The following PCDHGA12 variants were observed in gnomAD, a reference collection of about 807,000 sequenced individuals.
PCDHGA12 encodes protocadherin gamma-A12.
Under a neutral mutation model 61.1 loss-of-function variants are expected in PCDHGA12, and 43 were observed. The observed-to-expected ratio is 0.70, with a 90% confidence interval of 0.55 to 0.91. The LOEUF is 0.91. Ranked by LOEUF, PCDHGA12 falls within the 40% of genes least tolerant of loss-of-function variation. PCDHGA12 has a pLI of 0.00. For synonymous variants in PCDHGA12, 520 were observed against 542.9 expected, an observed-to-expected ratio of 0.96 and a Z score of 0.59; for missense variants, 1,236 against 1,227.7, an observed-to-expected ratio of 1.01 and a Z score of -0.10.
chr5:141,458,350 A>C (rs1259508706), intron 1 of PCDHGA12, among the ~76,000 whole-genome samples: 1 of 152,162 alleles, frequency 6.6e-6, no homozygotes, highest in East Asian at 1.9e-4. Flanking sequence ...GGAGAGTTTA[A>C]TAAGCAAGAA....
At chr5:141,479,930 T>C (rs1355410974) in intron 1 of PCDHGA12, among the ~76,000 whole-genome samples, 15 of 152,218 alleles carry the variant, frequency 9.9e-5, no homozygotes, top group Non-Finnish European at 1.9e-4. Context: ...CAGTGCATCA[T>C]TGCTATCAAC....
chr5:141,450,413 T>G (rs549247554), intron 1 of PCDHGA12, among the ~76,000 whole-genome samples: 1 of 152,334 alleles, frequency 6.6e-6, no homozygotes, highest in African/African-American at 2.4e-5. Context: ...GCCATTTGTC[T>G]TGTATAATGC....
At chr5:141,459,670 T>A (rs890411975) in intron 1 of PCDHGA12, among the ~76,000 whole-genome samples, 4 of 152,264 alleles carry the variant, frequency 2.6e-5, no homozygotes, top group African/African-American at 9.6e-5. Context: ...TACATTTTCA[T>A]GAGCAATGCA....
intron 1 of PCDHGA12, among the ~76,000 whole-genome samples, chr5:141,442,702 T>A (rs1301940560): frequency 1.3e-5 from 2 of 152,342 alleles, no homozygotes; most frequent in African/African-American, 4.8e-5. Context: ...GACAAGAGTA[T>A]CAGACATGCC....
rs749221752 is a variant in PCDHGA12 at position 141,432,670 on chromosome 5, G to T, written c.1911G>T (p.Ala637=). ...RTARALLDRD[A]LKQSLVVAVQ... ...CGCGAGCCCTGCTGGACAGAGACGCGCTCAAGCAGAGCCTCGTAGTGGCCG... is the reference window on the plus strand; with the variant it reads ...CGCGAGCCCTGCTGGACAGAGACGCTCTCAAGCAGAGCCTCGTAGTGGCCG... The change falls in exon 1 of 4, where the codon GCG becomes GCT. Residue 637 remains alanine (A), a synonymous_variant. Coordinates refer to ENST00000252085, the MANE Select transcript of PCDHGA12 (RefSeq NM_003735.3). This position sits in a 1 kb window ranked among gnomAD's most constrained non-coding sequence, Gnocchi z 6.0. 7 of 1,613,750 alleles carry T rather than the reference G, an allele frequency of 4.3e-6. No homozygotes were observed. The African/African-American group carries it at 5.3e-5, about 12-fold the overall frequency.
Position 141,477,626 on chromosome 5 carries a change from G to C in PCDHGA12, c.2425-17181G>C. The C allele has an allele frequency of 1.2e-6, 2 of 1,614,170 alleles. No homozygotes were observed. Among genetic ancestry groups the C allele is most frequent in the Non-Finnish European group, 1.7e-6 (2 of 1,180,036 alleles). ...TCTCTTGGAGCAAGGAGCTGAAACCGGGCTAGTGGGTCGCTATTTCACAAT... is the reference window on the plus strand; with the variant it reads ...TCTCTTGGAGCAAGGAGCTGAAACCCGGCTAGTGGGTCGCTATTTCACAAT... On this transcript the variant is annotated intron_variant, in intron 1 of 3. Transcript: ENST00000252085. The surrounding 1 kb of genome is among the most constrained non-coding windows in gnomAD (Gnocchi z 4.9).
chr5:141,481,142 G>T (rs2099532501), intron 1 of PCDHGA12, among the ~76,000 whole-genome samples: 1 of 152,212 alleles, frequency 6.6e-6, no homozygotes, highest in Non-Finnish European at 1.5e-5. Context: ...GAAGTAAAGT[G>T]TTATTCTGGT....
intron 1 of PCDHGA12, among the ~76,000 whole-genome samples, chr5:141,437,842 A>G (rs1372385076): frequency 2.0e-5 from 3 of 150,650 alleles, no homozygotes; most frequent in East Asian, 3.9e-4. Context: ...GGTTCATGCT[A>G]TTCTCCTGCC....
chr5:141,505,326 G>A, intron 2 of PCDHGA12, 67 bp from the exon 3 acceptor site: 2 of 1,607,648 alleles, frequency 1.2e-6, no homozygotes, highest in East Asian at 2.2e-5. Context: ...AGCCCTGGGA[G>A]AGGACAGGAG....
Position 141,477,588 on chromosome 5 carries a change from G to T in PCDHGA12, c.2425-17219G>T. 1 of 1,614,152 alleles carries T rather than the reference G, an allele frequency of 6.2e-7. No individual in the cohort carries two copies. The highest frequency in any genetic ancestry group is 8.5e-7 in the Non-Finnish European group (1 of 1,180,040). ...GACCCCGACGCCCCGCAGAATGCTCGGCTTTCTTTCTTTCTCTTGGAGCAA... is the reference window on the plus strand; with the variant it reads ...GACCCCGACGCCCCGCAGAATGCTCTGCTTTCTTTCTTTCTCTTGGAGCAA... On this transcript the variant is annotated intron_variant, in intron 1 of 3. Coordinates refer to ENST00000252085, the MANE Select transcript of PCDHGA12 (RefSeq NM_003735.3). This position sits in a 1 kb window ranked among gnomAD's most constrained non-coding sequence, Gnocchi z 4.9.
rs767497197 is a variant in PCDHGA12, at chr5:141,486,350, T to C, written c.2425-8457T>C. The C allele has an allele frequency of 6.2e-7, 1 of 1,614,128 alleles. No homozygotes were observed. Among genetic ancestry groups the C allele is most frequent in the South Asian group, 1.1e-5 (1 of 91,074 alleles). On this transcript the variant is annotated intron_variant, in intron 1 of 3. Transcript: ENST00000252085. The surrounding 1 kb of genome is among the most constrained non-coding windows in gnomAD (Gnocchi z 5.0). ...TGTGAGCCTCCGCATTCCTGACCAC[T>C]TGCCATTTGCCCTCAAGTCTGCCTT...
chr5:141,454,366 GT>G (rs2098787984), intron 1 of PCDHGA12, among the ~76,000 whole-genome samples: 1 of 152,166 alleles, frequency 6.6e-6, no homozygotes, highest in Admixed American at 6.5e-5. Flanking sequence ...TTAGAAAGGA[GT>G]ATGGCAACTT....
Position 141,491,726 on chromosome 5 carries a change from C to A in PCDHGA12, c.2425-3081C>A, listed in dbSNP as rs1018940432. ...GTGAGGGGCTCGGCGCCGCCCCGGG[C>A]GACCCCTGGGGGCGGCACTGGAGAA... On this transcript the variant is annotated intron_variant, in intron 1 of 3. Coordinates refer to ENST00000252085, the MANE Select transcript of PCDHGA12 (RefSeq NM_003735.3). This position sits in a 1 kb window ranked among gnomAD's most constrained non-coding sequence, Gnocchi z 6.9. 2.2e-5 allele frequency: 36 copies of A among 1,605,766 alleles called. No individual in the cohort carries two copies. Among genetic ancestry groups the A allele is most frequent in the African/African-American group, 4.0e-5 (3 of 74,588 alleles).
intron 1 of PCDHGA12, among the ~76,000 whole-genome samples, chr5:141,492,760 C>T (rs991820569): frequency 1.3e-5 from 2 of 152,212 alleles, no homozygotes; most frequent in Admixed American, 1.3e-4. Context: ...CAGGGCTCCG[C>T]GTTGGGCGAG....
Position 141,431,253 on chromosome 5 carries a change from A to G in PCDHGA12, c.494A>G (p.Asn165Ser), listed in dbSNP as rs1554123268. The G allele has an allele frequency of 1.2e-6, 2 of 1,614,132 alleles. No individual in the cohort carries two copies. Among genetic ancestry groups the G allele is most frequent in the South Asian group, 1.1e-5 (1 of 91,088 alleles). ...PHAWDPDIGK[N>S]SLQSYELSPN... ...GCCTGGGATCCGGATATCGGGAAGA[A>G]CTCTCTGCAGAGCTACGAGCTCAGC... is the stretch of plus-strand genomic sequence containing the variant. Residue 165 changes from asparagine (N) to serine (S), a missense_variant, in exon 1 of 4, where the codon AAC becomes AGC. Transcript: ENST00000252085. The surrounding 1 kb of genome is among the most constrained non-coding windows in gnomAD (Gnocchi z 4.8).
In PCDHGA12 at chr5:141,490,028, G is replaced by A. The variant is rs752883792; in HGVS notation, c.2425-4779G>A. ...GCACCCATTGGTACTCTGCTGCTCC[G>A]CCTCAATGCCACTGATCCAGACGAG... On this transcript the variant is annotated intron_variant, in intron 1 of 3. Coordinates refer to ENST00000252085, the MANE Select transcript of PCDHGA12 (RefSeq NM_003735.3). The surrounding 1 kb of genome is among the most constrained non-coding windows in gnomAD (Gnocchi z 5.4). 20 of 1,614,070 alleles carry A rather than the reference G, an allele frequency of 1.2e-5. 1 individual carries two copies. Among genetic ancestry groups the A allele is most frequent in the South Asian group, 3.3e-5 (3 of 91,090 alleles).
rs188916402 is a variant in PCDHGA12, at chr5:141,473,975, G to A, written c.2425-20832G>A. 4.6e-5 allele frequency among the ~76,000 whole-genome samples: 7 copies of A among 152,222 alleles called. No homozygotes were observed. The East Asian group carries it at 7.7e-4, about 17-fold the overall frequency. ...TCCCATCTACTTAGAAGTCTGAGGCGGGAGGATCCCTTGAGCCCAAGGAGC... is the reference window on the plus strand; with the variant it reads ...TCCCATCTACTTAGAAGTCTGAGGCAGGAGGATCCCTTGAGCCCAAGGAGC... On this transcript the variant is annotated intron_variant, in intron 1 of 3. Transcript: ENST00000252085.
At chr5:141,460,034 C>T (rs1463167810) in intron 1 of PCDHGA12, among the ~76,000 whole-genome samples, 1 of 152,116 alleles carries the variant, frequency 6.6e-6, no homozygotes, top group African/African-American at 2.4e-5. Context: ...GCCGAGACTG[C>T]ACCACTGCAC....
At position 141,477,505 on chromosome 5, in the gene PCDHGA12, C is replaced by T. The variant is rs2099412175; in HGVS notation, c.2425-17302C>T. The T allele has an allele frequency of 5.0e-6, 8 of 1,614,126 alleles. No individual in the cohort carries two copies. Among genetic ancestry groups the T allele is most frequent in the Admixed American group, 1.7e-5 (1 of 60,024 alleles). On this transcript the variant is annotated intron_variant, in intron 1 of 3. Transcript: ENST00000252085. This position sits in a 1 kb window ranked among gnomAD's most constrained non-coding sequence, Gnocchi z 4.9. ...CACAATCTTCTCAATCTTCCTACGACGTTTACATTGAAGAAAACAACCTCC... is the reference window on the plus strand; with the variant it reads ...CACAATCTTCTCAATCTTCCTACGATGTTTACATTGAAGAAAACAACCTCC...
Sources: allele counts gnomAD v4.1 joint callset (sites outside exome capture counted in the v4.1 genomes callset), GRCh38; gene constraint gnomAD v4.1.1; non-coding constraint Gnocchi (gnomAD v3.1); transcripts MANE v1.5; gene names NCBI Gene and HGNC (gene_info 2026-07-23, HGNC 2026-07-21).